The following LRP1B variants were observed in gnomAD, a reference collection of about 807,000 sequenced individuals.
The protein encoded by LRP1B is low-density lipoprotein receptor-related protein 1B.
In LRP1B, 217 loss-of-function variants were observed where a neutral mutation model predicts 556.6. The observed-to-expected ratio is 0.39, with a 90% CI of 0.35 to 0.44. The LOEUF (loss-of-function observed/expected upper bound fraction) is 0.44, where lower values mean the gene tolerates loss of function less well. Among genes scored for constraint, LRP1B ranks in the 20% least tolerant of loss-of-function variants. The probability of loss-of-function intolerance (pLI) is 1.00; values close to 1 mark genes in which losing one functional copy is unlikely to be tolerated. For synonymous variants in LRP1B, 2,047 were observed against 1,865.8 expected, an observed-to-expected ratio of 1.10 and a Z score of -2.50; for missense variants, 5,053 against 5,620.8, an observed-to-expected ratio of 0.90 and a Z score of 3.23.
chr2:140,276,472 T>G (rs1682677543), intron 84 of LRP1B, among the ~76,000 whole-genome samples: 1 of 151,906 alleles, frequency 6.6e-6, no homozygotes, highest in African/African-American at 2.4e-5. Flanking sequence ...CATTATGGTT[T>G]CTGTAGTTGT....
At chr2:140,860,633 T>C (rs914963109) in intron 27 of LRP1B, among the ~76,000 whole-genome samples, 14 of 151,986 alleles carry the variant, frequency 9.2e-5, no homozygotes, top group African/African-American at 3.4e-4. Context: ...TTTGCAGCAC[T>C]CTGTAATTAA....
chr2:140,893,545 C>T (rs1693861202), intron 23 of LRP1B, among the ~76,000 whole-genome samples: 1 of 152,152 alleles, frequency 6.6e-6, no homozygotes, highest in African/African-American at 2.4e-5. Context: ...ATCAAGTAAC[C>T]TTTCTGGGTC....
At chr2:140,845,551 G>GA (rs556956414) in intron 29 of LRP1B, among the ~76,000 whole-genome samples, 83 of 147,086 alleles carry the variant, frequency 5.6e-4, no homozygotes, top group African/African-American at 1.4e-3. Context: ...ACAGTTAAAA[G>GA]AAAAAAAAAC....
chr2:140,542,945 G>A (rs532836533), intron 43 of LRP1B, among the ~76,000 whole-genome samples: 2 of 152,224 alleles, frequency 1.3e-5, no homozygotes, highest in East Asian at 1.9e-4. Context: ...AAGTTCACAC[G>A]GGTCCAGAAA....
At chr2:140,492,499 A>G in intron 57 of LRP1B, 109 bp downstream of exon 57, 1 of 687,638 alleles carries the variant, frequency 1.5e-6, no homozygotes, top group Non-Finnish European at 2.5e-6. Flanking sequence ...ATTTCTCCTG[A>G]CAACTAAAAA....
intron 2 of LRP1B, among the ~76,000 whole-genome samples, chr2:141,730,009 G>GA: frequency 6.6e-6 from 1 of 152,198 alleles, no homozygotes; most frequent in East Asian, 1.9e-4. Flanking sequence ...TTTGAGGTTG[G>GA]AAGTCTGTTG....
intron 6 of LRP1B, among the ~76,000 whole-genome samples, chr2:141,223,869 T>C (rs941472687): frequency 6.6e-6 from 1 of 152,094 alleles, no homozygotes; most frequent in African/African-American, 2.4e-5. Context: ...TTACACCTTA[T>C]ACAAAAATTA....
intron 1 of LRP1B, among the ~76,000 whole-genome samples, chr2:142,070,349 T>C (rs1410623593): frequency 6.6e-6 from 1 of 151,844 alleles, no homozygotes; most frequent in East Asian, 1.9e-4. Flanking sequence ...CCACATTTTA[T>C]AGATAATGAA....
At chr2:142,059,172 G>T (rs1304166033) in intron 1 of LRP1B, among the ~76,000 whole-genome samples, 2 of 152,060 alleles carry the variant, frequency 1.3e-5, no homozygotes, top group Non-Finnish European at 2.9e-5. Context: ...ATTGTGAATG[G>T]GCACAAGGTT....
intron 1 of LRP1B, among the ~76,000 whole-genome samples, chr2:142,076,510 T>G (rs1238598322): frequency 1.3e-5 from 2 of 152,126 alleles, no homozygotes; most frequent in Non-Finnish European, 2.9e-5. Flanking sequence ...ACTGTTGCTT[T>G]AATTCATCCA....
intron 6 of LRP1B, among the ~76,000 whole-genome samples, chr2:141,227,813 A>G (rs1202173560): frequency 1.3e-5 from 2 of 152,224 alleles, no homozygotes; most frequent in African/African-American, 4.8e-5. Flanking sequence ...CAGTTCATGT[A>G]TATGAAAAGC....
At chr2:140,613,328 T>A (rs954308140) in intron 41 of LRP1B, among the ~76,000 whole-genome samples, 5 of 112,636 alleles carry the variant, frequency 4.4e-5, no homozygotes, top group Non-Finnish European at 3.9e-5. Flanking sequence ...TATAAATATA[T>A]ATAATTATAT....
At chr2:141,176,885 C>CAA (rs533851041) in intron 7 of LRP1B, among the ~76,000 whole-genome samples, 1 of 151,864 alleles carries the variant, frequency 6.6e-6, no homozygotes, top group Middle Eastern at 3.2e-3. Flanking sequence ...AATGTTATTA[C>CAA]AAAAAAATAA....
chr2:141,946,470 GA>G, intron 1 of LRP1B, among the ~76,000 whole-genome samples: 1 of 152,160 alleles, frequency 6.6e-6, no homozygotes, highest in East Asian at 1.9e-4. Flanking sequence ...ATGGCAAATA[GA>G]AGAAAGTCTA....
In LRP1B at chr2:140,239,507, G is replaced by T. The variant is rs142763822; in HGVS notation, c.13350C>A (p.Leu4450=). 3 of 1,604,116 alleles carry T rather than the reference G, an allele frequency of 1.9e-6. No homozygotes were observed. Among genetic ancestry groups the T allele is most frequent in the Non-Finnish European group, 1.7e-6 (2 of 1,173,704 alleles). The change falls in exon 88 of 91, where the codon CTC becomes CTA. Residue 4450 remains leucine (L), a synonymous_variant. Transcript: ENST00000389484. ...TGGTTATCAAAGTCACCAAGAGGAC[G>T]AGAGGCACAATGATGGCAATGCTTC... ...STRSIAIIVP[L]VLLVTLITTL... is the part of the protein sequence containing the mutation.
intron 2 of LRP1B, among the ~76,000 whole-genome samples, chr2:141,542,508 T>C (rs1685298528): frequency 6.6e-6 from 1 of 152,142 alleles, no homozygotes; most frequent in South Asian, 2.1e-4. Flanking sequence ...TGAAATATTA[T>C]ATTTATCTTT....
At chr2:141,313,528 T>A (rs1185963893) in intron 3 of LRP1B, among the ~76,000 whole-genome samples, 1 of 152,188 alleles carries the variant, frequency 6.6e-6, no homozygotes, top group Non-Finnish European at 1.5e-5. Context: ...CTGAGGGAAT[T>A]TAAGCCAAAA....
intron 2 of LRP1B, among the ~76,000 whole-genome samples, chr2:141,481,859 A>G (rs1682930553): frequency 6.6e-6 from 1 of 152,186 alleles, no homozygotes; most frequent in Non-Finnish European, 1.5e-5. Flanking sequence ...ACTGTCTGGC[A>G]GACACTTAAT....
At chr2:141,510,904 ACACACCC>A (rs747540688) in intron 2 of LRP1B, among the ~76,000 whole-genome samples, 13,036 of 66,996 alleles carry the variant, frequency 0.19, 617 homozygotes, top group South Asian at 0.25. Flanking sequence ...ACACACACAC[ACACACCC>A]CACACAAACA....
Sources: allele counts gnomAD v4.1 joint callset (sites outside exome capture counted in the v4.1 genomes callset), GRCh38; gene constraint gnomAD v4.1.1; transcripts MANE v1.5; gene names NCBI Gene and HGNC (gene_info 2026-07-23, HGNC 2026-07-21).